VWA8: variants seen among roughly 807,000 people sequenced by gnomAD.
VWA8 encodes von Willebrand factor A domain containing 8.
In VWA8, 221 loss-of-function variants were observed where a neutral mutation model predicts 241.5. That is an observed-to-expected ratio of 0.91 (90% confidence interval 0.82 to 1.02). The LOEUF is 1.02. Among genes scored for constraint, VWA8 ranks in the 50% least tolerant of loss-of-function variants. The pLI is 0.00. For missense variants in VWA8, 2,322 were observed against 2,328.7 expected (o/e 1.00, Z 0.06); for synonymous variants, 852 against 827.1 (o/e 1.03, Z -0.52).
intron 21 of VWA8, among the ~76,000 whole-genome samples, chr13:41,756,547 G>A (rs2045696230): frequency 6.6e-6 from 1 of 151,446 alleles, no homozygotes; most frequent in Non-Finnish European, 1.5e-5. Flanking sequence ...CATCCTTAAG[G>A]AAAAAATTGG....
At chr13:41,669,334 CAAAT>C (rs1367166454) in intron 37 of VWA8, among the ~76,000 whole-genome samples, 3 of 152,148 alleles carry the variant, frequency 2.0e-5, no homozygotes, top group African/African-American at 7.2e-5. Context: ...TACATCTAAA[CAAAT>C]AATTTGTGAC....
At chr13:41,877,399 T>TA (rs202077709) in intron 9 of VWA8, among the ~76,000 whole-genome samples, 66 of 147,372 alleles carry the variant, frequency 4.5e-4, no homozygotes, top group East Asian at 7.8e-4. Context: ...CTACACTGCT[T>TA]AAAAAAAAAA....
intron 37 of VWA8, among the ~76,000 whole-genome samples, chr13:41,659,942 T>C (rs2044937408): frequency 6.6e-6 from 1 of 152,184 alleles, no homozygotes. Flanking sequence ...AAAGGAATAA[T>C]GAGGTTTCTC....
intron 21 of VWA8, among the ~76,000 whole-genome samples, chr13:41,758,068 G>C (rs2045706616): frequency 6.6e-6 from 1 of 151,144 alleles, no homozygotes; most frequent in Admixed American, 6.6e-5. Context: ...ATATAGCAGA[G>C]ATACTGAGGA....
At chr13:41,691,732 T>C in intron 31 of VWA8, 142 bp downstream of exon 31, 2 of 747,842 alleles carry the variant, frequency 2.7e-6, no homozygotes. Context: ...CTCAATATTC[T>C]GCAATGTGGG....
intron 4 of VWA8, among the ~76,000 whole-genome samples, chr13:41,904,955 G>A (rs1317453078): frequency 6.6e-6 from 1 of 151,800 alleles, no homozygotes; most frequent in Non-Finnish European, 1.5e-5. Flanking sequence ...GAAAAATGCA[G>A]GTTGTTCATT....
chr13:41,754,973 G>GTA (rs2045683896), intron 21 of VWA8, among the ~76,000 whole-genome samples: 1 of 151,914 alleles, frequency 6.6e-6, no homozygotes, highest in South Asian at 2.1e-4. Flanking sequence ...ACTCTATTGT[G>GTA]TATATATATC....
In VWA8 at chr13:41,898,500, G is replaced by A. The variant is rs550207419; in HGVS notation, c.484-6913C>T. 3.0e-4 allele frequency among the ~76,000 whole-genome samples: 46 copies of A among 152,240 alleles called. 1 individual carries two copies. Among genetic ancestry groups the A allele is most frequent in the Non-Finnish European group, 2.6e-4 (18 of 68,044 alleles). On this transcript the variant is annotated intron_variant, in intron 4 of 44. Transcript: ENST00000379310. ...CTCTCCACATCCCCACCAGACTCAG[G>A]AGCCCAGCTGGCTTCACCCAGTGGA... is the stretch of plus-strand genomic sequence containing the variant.
At position 41,587,987 on chromosome 13, in the gene VWA8, A is replaced by C. The variant is rs139211207; in HGVS notation, c.5113-317T>G. Among the ~76,000 whole-genome samples the C allele has an allele frequency of 6.6e-4, 100 of 152,358 alleles. 1 individual carries two copies. The highest frequency in any genetic ancestry group is 2.4e-3 in the African/African-American group (98 of 41,580). On this transcript the variant is annotated intron_variant, in intron 41 of 44. Transcript: ENST00000379310. ...GCCTTAAAAATAATATGATGACTTA[A>C]AAATAATAATCTGGAATGACATGTC...
At chr13:41,916,815 G>C (rs1351800830) in intron 2 of VWA8, among the ~76,000 whole-genome samples, 4 of 152,094 alleles carry the variant, frequency 2.6e-5, no homozygotes, top group Non-Finnish European at 5.9e-5. Context: ...TGTACATTAC[G>C]AACATCTGCA....
At chr13:41,590,955 T>C (rs1052181705) in intron 40 of VWA8, among the ~76,000 whole-genome samples, 190 bp from the exon 41 acceptor site, 2 of 152,202 alleles carry the variant, frequency 1.3e-5, no homozygotes, top group Admixed American at 1.3e-4. Flanking sequence ...CCGTTTTAAT[T>C]CTTTCAACAT....
intron 24 of VWA8, among the ~76,000 whole-genome samples, chr13:41,725,630 T>A (rs2045426912): frequency 6.6e-6 from 1 of 152,024 alleles, no homozygotes; most frequent in Admixed American, 6.6e-5. Context: ...TAGGGGTAGA[T>A]GACAAAACAA....
chr13:41,707,071 GGTGA>G (rs1407610813), intron 26 of VWA8, among the ~76,000 whole-genome samples: 2 of 152,242 alleles, frequency 1.3e-5, no homozygotes, highest in Non-Finnish European at 2.9e-5. Context: ...CTAAAAGAAA[GGTGA>G]GTATCATAAT....
At chr13:41,629,656 T>C (rs1421610804) in intron 37 of VWA8, among the ~76,000 whole-genome samples, 1 of 152,224 alleles carries the variant, frequency 6.6e-6, no homozygotes, top group Non-Finnish European at 1.5e-5. Flanking sequence ...CTAGGAATGA[T>C]GTTTTTTCAC....
At chr13:41,625,079 A>G (rs1385974651) in intron 37 of VWA8, among the ~76,000 whole-genome samples, 2 of 152,196 alleles carry the variant, frequency 1.3e-5, no homozygotes, top group Non-Finnish European at 2.9e-5. Context: ...AATAGCCACA[A>G]AAAGAGTAAA....
In VWA8 at chr13:41,942,279, G is replaced by A. The variant is rs939320374; in HGVS notation, c.241+7657C>T. On this transcript the variant is annotated intron_variant, in intron 2 of 44. Transcript: ENST00000379310. ...CCCAACTCCCACTTCCAGTTAGGAT[G>A]AAATGAGTTGCAAGAGAATTTTATT... Among the ~76,000 whole-genome samples the A allele has an allele frequency of 3.3e-5, 5 of 152,150 alleles. No individual in the cohort carries two copies. The East Asian group carries it at 9.6e-4, about 29-fold the overall frequency.
intron 2 of VWA8, among the ~76,000 whole-genome samples, chr13:41,922,186 C>G (rs938213503): frequency 2.0e-5 from 3 of 152,058 alleles, no homozygotes; most frequent in East Asian, 1.9e-4. Context: ...AATGGGGAAA[C>G]GATTCCCTAT....
chr13:41,766,449 C>A (rs2045779679), intron 20 of VWA8, among the ~76,000 whole-genome samples: 1 of 152,164 alleles, frequency 6.6e-6, no homozygotes, highest in African/African-American at 2.4e-5. Flanking sequence ...GGATTTGTAA[C>A]AGACCTTGAG....
intron 14 of VWA8, among the ~76,000 whole-genome samples, chr13:41,821,306 G>C (rs1314103354): frequency 6.6e-6 from 1 of 152,144 alleles, no homozygotes; most frequent in African/African-American, 2.4e-5. Flanking sequence ...TGATATGTTA[G>C]GCAGAGAAAT....
Sources: allele counts gnomAD v4.1 joint callset (sites outside exome capture counted in the v4.1 genomes callset), GRCh38; gene constraint gnomAD v4.1.1; transcripts MANE v1.5; gene names NCBI Gene and HGNC (gene_info 2026-07-23, HGNC 2026-07-21).